The following KDM4C variants were observed in gnomAD, a reference collection of about 807,000 sequenced individuals.
KDM4C encodes the protein lysine-specific demethylase 4C.
KDM4C carries 81 observed loss-of-function variants against 129.3 expected under a neutral mutation model. The ratio of observed to expected loss-of-function variants is 0.63; its 90% CI spans 0.52 to 0.75. KDM4C has a LOEUF of 0.75. Among genes scored for constraint, KDM4C ranks in the 30% least tolerant of loss-of-function variants. The pLI is 0.00. For missense variants in KDM4C, 1,457 were observed against 1,304.0 expected, an observed-to-expected ratio of 1.12 and a Z score of -1.81; for synonymous variants, 573 against 456.1, an observed-to-expected ratio of 1.26 and a Z score of -3.26.
At chr9:6,817,763 CTTTTTTTTTTTT>C (rs146833868) in intron 4 of KDM4C, among the ~76,000 whole-genome samples, 1 of 105,094 alleles carries the variant, frequency 9.5e-6, no homozygotes, top group Admixed American at 1.1e-4. Flanking sequence ...CAGGAATAAC[CTTTTTTTTTTTT>C]TTTTTTTTTG....
upstream of KDM4C, among the ~76,000 whole-genome samples, chr9:6,752,726 A>G (rs1274098657): frequency 6.6e-6 from 1 of 152,112 alleles, no homozygotes; most frequent in African/African-American, 2.4e-5. Flanking sequence ...TGTTAAAGCA[A>G]CTTCCAAAAA....
intron 18 of KDM4C, among the ~76,000 whole-genome samples, chr9:7,122,240 C>CACAG (rs1491570783): frequency 1.7e-5 from 1 of 57,166 alleles, no homozygotes; most frequent in East Asian, 4.8e-4. Context: ...TGGGAGATGC[C>CACAG]ACACACACAC....
chr9:6,753,751 T>C (rs1246747175), upstream of KDM4C, among the ~76,000 whole-genome samples: 1 of 152,196 alleles, frequency 6.6e-6, no homozygotes, highest in Non-Finnish European at 1.5e-5. Context: ...CATTAATTCA[T>C]TAATAAGGGC....
intron 8 of KDM4C, among the ~76,000 whole-genome samples, chr9:6,912,156 G>A (rs1240863981): frequency 2.6e-5 from 4 of 152,130 alleles, no homozygotes; most frequent in Admixed American, 1.3e-4. Context: ...GCTGTTTCTG[G>A]CCAGCCTTAT....
intron 5 of KDM4C, among the ~76,000 whole-genome samples, chr9:6,867,797 T>G (rs1191386707): frequency 1.3e-5 from 2 of 152,192 alleles, no homozygotes; most frequent in East Asian, 3.9e-4. Context: ...TGAAACTTAC[T>G]AACAGTTGAC....
At chr9:6,746,292 C>T (rs1475153961) in intron 1 of KDM4C, among the ~76,000 whole-genome samples, 4 of 114,418 alleles carry the variant, frequency 3.5e-5, no homozygotes, top group South Asian at 2.9e-4. Context: ...TTTTGGAGAC[C>T]GAGTCTTGCT....
chr9:6,855,458 CAAAA>C (rs34177301), intron 5 of KDM4C, among the ~76,000 whole-genome samples: 757 of 70,004 alleles, frequency 0.011, 5 homozygotes, highest in African/African-American at 0.031. Context: ...GACTCCGTCT[CAAAA>C]AAAAAAAAAA....
chr9:7,008,752 A>G (rs1210424334), intron 12 of KDM4C, among the ~76,000 whole-genome samples: 2 of 152,170 alleles, frequency 1.3e-5, no homozygotes, highest in African/African-American at 4.8e-5. Flanking sequence ...TAGGCTCCAG[A>G]TCCAACCCCA....
Position 6,893,209 on chromosome 9 carries a change from G to A in KDM4C, c.898G>A (p.Asp300Asn). The A allele has an allele frequency of 6.2e-7, 1 of 1,610,542 alleles. No homozygotes were observed. The highest frequency in any genetic ancestry group is 8.5e-7 in the Non-Finnish European group (1 of 1,178,510). Residue 300 changes from aspartate to asparagine, a missense_variant, in exon 8 of 22, where the codon GAC becomes AAC. By Grantham distance (23) the Asp-to-Asn change is conservative. Transcript: ENST00000381309. ...AAATTTTGCTACTGTCAGATGGATTGACTATGGAAAAGTTGCCAAATTGGT... is the reference window on the plus strand; with the variant it reads ...AAATTTTGCTACTGTCAGATGGATTAACTATGGAAAAGTTGCCAAATTGGT... ...STNFATVRWI[D>N]YGKVAKLCTC...
chr9:6,805,854 C>T, intron 3 of KDM4C, 80 bp downstream of exon 3: 4 of 1,302,168 alleles, frequency 3.1e-6, no homozygotes, highest in South Asian at 1.7e-5. Context: ...GACAGAGGAG[C>T]TTATAAATGA....
chr9:6,740,036 C>T (rs1170963437), intron 1 of KDM4C, among the ~76,000 whole-genome samples: 6 of 151,872 alleles, frequency 4.0e-5, no homozygotes, highest in East Asian at 1.9e-4. Flanking sequence ...ACTACAGGCG[C>T]GCGCCACCAC....
At chr9:7,001,440 C>T (rs1005409719) in intron 12 of KDM4C, among the ~76,000 whole-genome samples, 1 of 152,082 alleles carries the variant, frequency 6.6e-6, no homozygotes, top group Non-Finnish European at 1.5e-5. Flanking sequence ...TCTTGGGGAC[C>T]CCCAGGAGAA....
chr9:6,763,229 A>C (rs1458607344), intron 1 of KDM4C, among the ~76,000 whole-genome samples: 1 of 152,146 alleles, frequency 6.6e-6, no homozygotes, highest in Non-Finnish European at 1.5e-5. Context: ...CTGCCCAGCC[A>C]GTCTCCTTCC....
chr9:6,997,873 C>A (rs1820051092), intron 12 of KDM4C, among the ~76,000 whole-genome samples: 1 of 152,202 alleles, frequency 6.6e-6, no homozygotes, highest in Admixed American at 6.5e-5. Flanking sequence ...TAAACTTTTA[C>A]TTATAACTCT....
At chr9:6,943,368 T>G (rs1025395797) in intron 8 of KDM4C, among the ~76,000 whole-genome samples, 8 of 152,204 alleles carry the variant, frequency 5.3e-5, no homozygotes, top group African/African-American at 1.9e-4. Context: ...AGGAAAATTA[T>G]TTTACAAACT....
At chr9:6,875,370 G>T (rs1263771245) in intron 5 of KDM4C, among the ~76,000 whole-genome samples, 1 of 152,184 alleles carries the variant, frequency 6.6e-6, no homozygotes, top group East Asian at 1.9e-4. Context: ...GATACAACAA[G>T]AGAGGGAGTG....
chr9:7,170,888 A>G (rs981276997), intron 21 of KDM4C: 2 of 334,162 alleles, frequency 6.0e-6, no homozygotes, highest in African/African-American at 2.3e-5. Flanking sequence ...GGCCTCACAT[A>G]AACTACACTA....
At chr9:6,755,328 G>A (rs1362417538), upstream of KDM4C, among the ~76,000 whole-genome samples, 2 of 152,324 alleles carry the variant, frequency 1.3e-5, no homozygotes, top group African/African-American at 4.8e-5. Flanking sequence ...CTGAGATCGC[G>A]CCACTGCACT....
At position 7,024,846 on chromosome 9, in the gene KDM4C, T is replaced by C. The variant is rs371106039; in HGVS notation, c.2259+8917T>C. Among the ~76,000 whole-genome samples the C allele has an allele frequency of 1.2e-4, 18 of 152,252 alleles. No individual in the cohort carries two copies. In the East Asian group the frequency reaches 1.9e-3, roughly 16 times the overall value. The stretch of plus-strand genomic sequence containing the variant: ...TGATTTATAATCCTTTGGGTATATA[T>C]CCAGTAATGGGATGGCTGGGTCAAA... On this transcript the variant is annotated intron_variant, in intron 15 of 21. Coordinates refer to ENST00000381309, the MANE Select transcript of KDM4C (RefSeq NM_015061.6).
Sources: gnomAD v4.1 joint callset for allele counts (sites outside exome capture counted in the v4.1 genomes callset) on GRCh38, gnomAD v4.1.1 for gene constraint, MANE v1.5 for transcripts, NCBI Gene and HGNC (gene_info 2026-07-23, HGNC 2026-07-21) for gene names.